Variants in KCNN2 observed in about 807,000 individuals in gnomAD.
KCNN2 encodes the protein small conductance calcium-activated potassium channel protein 2.
A neutral mutation model predicts 55.5 loss-of-function variants in KCNN2; 24 were observed. That is an observed-to-expected ratio of 0.43 (90% CI 0.31 to 0.61). The LOEUF (loss-of-function observed/expected upper bound fraction) is 0.61, where lower values mean the gene tolerates loss of function less well. KCNN2 is among the 20% of genes least tolerant of loss of function. The pLI, the probability that KCNN2 is intolerant of heterozygous loss-of-function variation, is 0.08. For synonymous variants in KCNN2, 431 were observed against 336.1 expected, an observed-to-expected ratio of 1.28 and a Z score of -3.09; for missense variants, 754 against 853.6, an observed-to-expected ratio of 0.88 and a Z score of 1.45.
At chr5:114,367,048 G>T (rs1363771468) in intron 2 of KCNN2, among the ~76,000 whole-genome samples, 1 of 152,144 alleles carries the variant, frequency 6.6e-6, no homozygotes, top group African/African-American at 2.4e-5. Flanking sequence ...ATGTCCTCTG[G>T]AATTGCTTAA....
rs1000218179 is a variant in KCNN2, at chr5:114,432,944, C to T, written c.1637+28088C>T. On this transcript the variant is annotated intron_variant, in intron 3 of 7. Transcript: ENST00000673685. ...GGGGCATGGCTGGGGACCTGCAGCC[C>T]GCCATGCCTGAACCTCCCACCCCCT... 5.9e-5 allele frequency among the ~76,000 whole-genome samples: 9 copies of T among 152,318 alleles called. No homozygotes were observed. The East Asian group carries it at 9.7e-4, about 16-fold the overall frequency.
intron 3 of KCNN2, among the ~76,000 whole-genome samples, chr5:114,430,824 A>G (rs1430648868): frequency 6.6e-6 from 1 of 152,086 alleles, no homozygotes; most frequent in African/African-American, 2.4e-5. Flanking sequence ...ATTTTTGTCA[A>G]GTGCCTTTTC....
intron 3 of KCNN2, among the ~76,000 whole-genome samples, chr5:114,410,268 A>C (rs1714726712): frequency 6.6e-6 from 1 of 152,190 alleles, no homozygotes; most frequent in Non-Finnish European, 1.5e-5. Context: ...CTAGTTTTGT[A>C]AAGATAGCGT....
intron 2 of KCNN2, among the ~76,000 whole-genome samples, chr5:114,314,149 C>T (rs1756455270): frequency 6.6e-6 from 1 of 152,040 alleles, no homozygotes; most frequent in South Asian, 2.1e-4. Flanking sequence ...CTCCTAACAA[C>T]TTTTCAATAA....
At chr5:114,349,059 T>C (rs1757163780) in intron 2 of KCNN2, among the ~76,000 whole-genome samples, 1 of 152,108 alleles carries the variant, frequency 6.6e-6, no homozygotes, top group Non-Finnish European at 1.5e-5. Flanking sequence ...TCACTTACTC[T>C]AATTTGCTGC....
intron 1 of KCNN2, among the ~76,000 whole-genome samples, chr5:114,141,921 G>A (rs1385124857): frequency 3.3e-5 from 5 of 152,154 alleles, no homozygotes; most frequent in East Asian, 1.9e-4. Context: ...TGGCTGCATA[G>A]ATGTCTTCTT....
chr5:114,487,309 G>A, intron 6 of KCNN2, 132 bp downstream of exon 6: 1 of 768,072 alleles, frequency 1.3e-6, no homozygotes, highest in Non-Finnish European at 2.1e-6. Context: ...ATGTTATCTG[G>A]CAATCTAATC....
intron 1 of KCNN2, among the ~76,000 whole-genome samples, chr5:114,164,416 A>G (rs1445806636): frequency 1.3e-5 from 2 of 152,200 alleles, no homozygotes; most frequent in African/African-American, 2.4e-5. Context: ...TCATTCCCAT[A>G]AAAAATTTAA....
intron 3 of KCNN2, among the ~76,000 whole-genome samples, chr5:114,428,959 A>G (rs547508019): frequency 1.3e-5 from 2 of 152,076 alleles, no homozygotes; most frequent in East Asian, 1.9e-4. Context: ...CAGTTTATTC[A>G]TGTACTCATT....
chr5:114,368,252 A>G (rs931687728), intron 2 of KCNN2, among the ~76,000 whole-genome samples: 10 of 152,200 alleles, frequency 6.6e-5, no homozygotes, highest in African/African-American at 2.4e-4. Context: ...GTGGTTACCA[A>G]GGGACAACTG....
intron 1 of KCNN2, among the ~76,000 whole-genome samples, chr5:114,159,101 T>C (rs1028183207): frequency 6.6e-6 from 1 of 152,126 alleles, no homozygotes; most frequent in Non-Finnish European, 1.5e-5. Context: ...GGGAATGCTT[T>C]CGGTTTTTGT....
chr5:114,238,242 G>A (rs924388429), intron 2 of KCNN2, among the ~76,000 whole-genome samples: 5 of 152,130 alleles, frequency 3.3e-5, no homozygotes, highest in Non-Finnish European at 5.9e-5. Context: ...GATTTCCATT[G>A]TGGTCTTTTT....
chr5:114,268,175 A>G (rs977464263), intron 2 of KCNN2, among the ~76,000 whole-genome samples: 2 of 152,216 alleles, frequency 1.3e-5, no homozygotes, highest in Non-Finnish European at 2.9e-5. Context: ...GGACAACACA[A>G]AGAACTGATG....
At chr5:114,155,962 G>A (rs1462247621) in intron 1 of KCNN2, among the ~76,000 whole-genome samples, 1 of 152,024 alleles carries the variant, frequency 6.6e-6, no homozygotes, top group Non-Finnish European at 1.5e-5. Context: ...GCCCATGCTT[G>A]TGTCCCTAAT....
intron 1 of KCNN2, among the ~76,000 whole-genome samples, chr5:114,081,045 C>A (rs576809689): frequency 1.3e-5 from 2 of 151,812 alleles, no homozygotes; most frequent in South Asian, 2.1e-4. Flanking sequence ...TAATGAATAA[C>A]CTGAAATGTA....
intron 3 of KCNN2, among the ~76,000 whole-genome samples, chr5:114,406,217 T>TTTGTATTTTAAATACAAAAATAAA (rs953140824): frequency 3.3e-5 from 5 of 152,006 alleles, no homozygotes; most frequent in Non-Finnish European, 7.4e-5. Flanking sequence ...TTTTTATAGT[T>TTTGTATTTTAAATACAAAAATAAA]TTGTATTTTA....
chr5:114,092,189 C>T (rs1278157344), intron 1 of KCNN2, among the ~76,000 whole-genome samples: 1 of 152,190 alleles, frequency 6.6e-6, no homozygotes, highest in African/African-American at 2.4e-5. Context: ...GCTCCTGTTT[C>T]AGATTGGAGA....
chr5:114,196,606 T>C (rs1271552225), intron 1 of KCNN2, among the ~76,000 whole-genome samples: 1 of 152,072 alleles, frequency 6.6e-6, no homozygotes, highest in Non-Finnish European at 1.5e-5. Flanking sequence ...TAGGAATTTG[T>C]TCATTTCATC....
exon 1 of KCNN2, chr5:114,056,157 A>C (rs909649574): frequency 2.6e-6 from 1 of 389,602 alleles, no homozygotes; most frequent in Non-Finnish European, 4.5e-6. Context: ...GGGCGCCCAA[A>C]AGTTGGACCC....
Sources: allele counts gnomAD v4.1 joint callset (sites outside exome capture counted in the v4.1 genomes callset), GRCh38; gene constraint gnomAD v4.1.1; transcripts MANE v1.5; gene names NCBI Gene and HGNC (gene_info 2026-07-23, HGNC 2026-07-21).